UBIAD1: variants seen among roughly 807,000 people sequenced by gnomAD.
The protein encoded by UBIAD1 is UbiA prenyltransferase domain containing 1, also known as ubiA prenyltransferase domain-containing protein 1.
UBIAD1 carries 12 observed loss-of-function variants against 20.1 expected under a neutral mutation model. That is an observed-to-expected ratio of 0.60 (90% CI 0.38 to 0.97). The LOEUF (loss-of-function observed/expected upper bound fraction) is 0.97. UBIAD1 is among the 50% of genes least tolerant of loss of function. The pLI is 0.00. For synonymous variants in UBIAD1, 207 were observed against 189.2 expected, an observed-to-expected ratio of 1.09 and a Z score of -0.77; for missense variants, 333 against 419.5, an observed-to-expected ratio of 0.79 and a Z score of 1.80.
intron 1 of UBIAD1, among the ~76,000 whole-genome samples, chr1:11,294,401 C>T (rs1215087678): frequency 1.3e-5 from 2 of 152,218 alleles, no homozygotes; most frequent in African/African-American, 2.4e-5. Context: ...TTACCTTGGC[C>T]TCCCAAAGCG....
At chr1:11,279,668 G>A (rs1652179307) in intron 1 of UBIAD1, among the ~76,000 whole-genome samples, 1 of 152,166 alleles carries the variant, frequency 6.6e-6, no homozygotes, top group Non-Finnish European at 1.5e-5. Context: ...CACCCACCTT[G>A]GCCTACCAAA....
At chr1:11,290,930 T>TGTTGGCAGTGCAG (rs1347226989), downstream of UBIAD1, among the ~76,000 whole-genome samples, 1 of 152,088 alleles carries the variant, frequency 6.6e-6, no homozygotes, top group African/African-American at 2.4e-5. Flanking sequence ...GCCACTGCAC[T>TGTTGGCAGTGCAG]CCAGCCTGGA....
downstream of UBIAD1, among the ~76,000 whole-genome samples, chr1:11,289,773 C>T (rs1029304183): frequency 2.0e-5 from 3 of 150,818 alleles, no homozygotes; most frequent in South Asian, 4.3e-4. Context: ...CTCTGTCGCA[C>T]GGGCTAGAGT....
chr1:11,291,343 C>A (rs1223933882), downstream of UBIAD1, among the ~76,000 whole-genome samples: 2 of 152,010 alleles, frequency 1.3e-5, no homozygotes, highest in Admixed American at 1.3e-4. Flanking sequence ...CACGGTGGCT[C>A]ATGCCTGTTA....
At chr1:11,284,541 T>C (rs1652346106) in intron 1 of UBIAD1, among the ~76,000 whole-genome samples, 1 of 152,192 alleles carries the variant, frequency 6.6e-6, no homozygotes. Context: ...CTTGGCTTAC[T>C]GCAACCTCTG....
chr1:11,278,809 A>G, intron 1 of UBIAD1: 1 of 485,164 alleles, frequency 2.1e-6, no homozygotes, highest in Non-Finnish European at 3.8e-6. Context: ...TTACAAATCT[A>G]ACTGATGGGG....
At chr1:11,276,284 G>A (rs1219722499) in intron 1 of UBIAD1, among the ~76,000 whole-genome samples, 1 of 148,860 alleles carries the variant, frequency 6.7e-6, no homozygotes, top group Non-Finnish European at 1.5e-5. Context: ...TGGATTGGAT[G>A]TGAGGTAAAG....
At chr1:11,279,157 C>G (rs1279259730) in intron 1 of UBIAD1, 2 of 223,798 alleles carry the variant, frequency 8.9e-6, no homozygotes, top group Non-Finnish European at 1.9e-5. Flanking sequence ...AACTGCCATG[C>G]CCGGCCTATA....
At chr1:11,278,911 C>G in intron 1 of UBIAD1, 1 of 263,836 alleles carries the variant, frequency 3.8e-6, no homozygotes, top group Non-Finnish European at 7.3e-6. Context: ...GTGGCCCACA[C>G]GGGAGCGCAG....
At chr1:11,290,819 G>C (rs753928686), downstream of UBIAD1, among the ~76,000 whole-genome samples, 7 of 150,002 alleles carry the variant, frequency 4.7e-5, no homozygotes, top group Non-Finnish European at 8.8e-5. Flanking sequence ...TCTTTACAAA[G>C]AAATACAAAA....
chr1:11,277,865 A>G (rs1652104473), intron 1 of UBIAD1, among the ~76,000 whole-genome samples: 1 of 152,116 alleles, frequency 6.6e-6, no homozygotes, highest in African/African-American at 2.4e-5. Flanking sequence ...GCTGGTCTCA[A>G]ACTCCTGACC....
downstream of UBIAD1, among the ~76,000 whole-genome samples, chr1:11,299,335 A>G (rs977314709): frequency 2.6e-5 from 4 of 152,198 alleles, no homozygotes; most frequent in Admixed American, 6.5e-5. Context: ...TGAGAGGTGC[A>G]TGCTCGGCTT....
intron 1 of UBIAD1, among the ~76,000 whole-genome samples, chr1:11,274,571 A>G (rs1170274151): frequency 3.3e-5 from 5 of 150,736 alleles, no homozygotes; most frequent in Admixed American, 3.3e-4. Flanking sequence ...TTCTAAGATT[A>G]CAGGCGTGAG....
downstream of UBIAD1, among the ~76,000 whole-genome samples, chr1:11,288,772 C>T (rs369194787): frequency 1.8e-4 from 28 of 152,030 alleles, no homozygotes; most frequent in African/African-American, 4.6e-4. Flanking sequence ...GTTAGCTGGG[C>T]GTGGTGGTGC....
downstream of UBIAD1, among the ~76,000 whole-genome samples, chr1:11,298,607 A>AATAG (rs1638483905): frequency 6.6e-6 from 1 of 151,698 alleles, no homozygotes; most frequent in Non-Finnish European, 1.5e-5. This position sits in a 1 kb window ranked among gnomAD's most constrained non-coding sequence, Gnocchi z 4.0. Context: ...TAAATAAATA[A>AATAG]AAGTTTCCCA....
intron 1 of UBIAD1, among the ~76,000 whole-genome samples, chr1:11,294,523 T>G (rs995263248): frequency 6.6e-6 from 1 of 152,164 alleles, no homozygotes; most frequent in African/African-American, 2.4e-5. Flanking sequence ...GGTCTGCCCT[T>G]AGCCGCTCCC....
At chr1:11,293,336 C>T (rs1427032231), downstream of UBIAD1, 1 of 152,230 alleles carries the variant, frequency 6.6e-6, no homozygotes, top group African/African-American at 2.4e-5. Context: ...ATTAGGATCA[C>T]AAATGGGTTT....
At chr1:11,295,912 A>C (rs1212125292), downstream of UBIAD1, 2 of 152,192 alleles carry the variant, frequency 1.3e-5, no homozygotes, top group Non-Finnish European at 1.5e-5. Flanking sequence ...CAACATAGAC[A>C]CTTGTCCCTA....
At position 11,273,777 on chromosome 1, in the gene UBIAD1, G is replaced by A. The variant is rs769113030; in HGVS notation, c.246G>A (p.Arg82=). The A allele has an allele frequency of 3.3e-5, 53 of 1,613,994 alleles. No homozygotes were observed. In the Admixed American group the frequency reaches 8.8e-4, roughly 27 times the overall value. Residue 82 remains arginine, a synonymous_variant, in exon 1 of 2, where the codon AGG becomes AGA. Transcript: ENST00000376810. This position sits in a 1 kb window ranked among gnomAD's most constrained non-coding sequence, Gnocchi z 4.9. ...GATCCCACGGTGTCCTGGATCCCAG[G>A]CTCTTGGTGGGTTGTGCCGTGGCTG... is the stretch of plus-strand genomic sequence containing the variant. ...AYRSHGVLDP[R]LLVGCAVAVL...
Sources: gnomAD v4.1 joint callset for allele counts (sites outside exome capture counted in the v4.1 genomes callset) on GRCh38, gnomAD v4.1.1 for gene constraint, Gnocchi (gnomAD v3.1) non-coding constraint, MANE v1.5 for transcripts, NCBI Gene and HGNC (gene_info 2026-07-23, HGNC 2026-07-21) for gene names.